The following NTM variants were observed in gnomAD, a reference collection of about 807,000 sequenced individuals.
NTM encodes the protein IgLON family member 2.
A neutral mutation model predicts 42.1 loss-of-function variants in NTM; 13 were observed. That is an observed-to-expected ratio of 0.31 (90% CI 0.20 to 0.49). The LOEUF is 0.49. Among genes scored for constraint, NTM ranks in the 20% least tolerant of loss-of-function variants. The probability of loss-of-function intolerance (pLI) is 0.99; values close to 1 mark genes in which losing one functional copy is unlikely to be tolerated. For synonymous variants in NTM, 187 were observed against 179.2 expected, an observed-to-expected ratio of 1.04 and a Z score of -0.35; for missense variants, 373 against 452.8, an observed-to-expected ratio of 0.82 and a Z score of 1.60.
chr11:132,186,806 G>T (rs1481154435), intron 3 of NTM, among the ~76,000 whole-genome samples: 1 of 152,212 alleles, frequency 6.6e-6, no homozygotes, highest in Non-Finnish European at 1.5e-5. Context: ...ATGCACCAGG[G>T]ATAGGACTCT....
intron 1 of NTM, among the ~76,000 whole-genome samples, chr11:131,898,304 A>G (rs960753014): frequency 5.3e-5 from 8 of 152,240 alleles, no homozygotes; most frequent in Non-Finnish European, 7.3e-5. Context: ...GTGGGGAAGT[A>G]TGACCAACTG....
At chr11:132,211,267 A>G (rs1372778703) in intron 3 of NTM, among the ~76,000 whole-genome samples, 1 of 152,164 alleles carries the variant, frequency 6.6e-6, no homozygotes, top group Non-Finnish European at 1.5e-5. Flanking sequence ...TTAACAAGGA[A>G]TGGCGGCACA....
At chr11:131,876,086 AT>A (rs951433790) in intron 1 of NTM, among the ~76,000 whole-genome samples, 30 of 151,864 alleles carry the variant, frequency 2.0e-4, no homozygotes, top group African/African-American at 6.5e-4. Flanking sequence ...GATAAAGTAG[AT>A]TTTTTTTTCT....
chr11:131,581,063 T>G (rs1565662721), intron 1 of NTM, among the ~76,000 whole-genome samples: 1 of 152,226 alleles, frequency 6.6e-6, no homozygotes, highest in Non-Finnish European at 1.5e-5. Flanking sequence ...GTATGGGGTT[T>G]GCCACACTCA....
intron 1 of NTM, among the ~76,000 whole-genome samples, chr11:131,683,676 A>G (rs1380214664): frequency 6.6e-6 from 1 of 152,176 alleles, no homozygotes; most frequent in Non-Finnish European, 1.5e-5. Context: ...ATTGCTCTGG[A>G]GGGGGCTGGC....
Position 131,795,898 on chromosome 11 carries a change from G to A in NTM, c.83-115666G>A, listed in dbSNP as rs896107367. The A allele has an allele frequency of 6.1e-6, 6 of 980,104 alleles. No homozygotes were observed. In the African/African-American group the frequency reaches 1.1e-4, roughly 17 times the overall value. The allele number at this position is 980,104 out of a possible 1,614,324, so 60.7% of individuals were successfully genotyped here. On this transcript the variant is annotated intron_variant, in intron 1 of 8. Coordinates refer to ENST00000683400, the MANE Select transcript of NTM (RefSeq NM_001352005.2). Reference sequence around the variant, plus strand: ...GACCGCCTGCCTTGTCTAGTGTGGAGGGATCACTTTATTGGAGTAAGCGAT... The same window carrying A: ...GACCGCCTGCCTTGTCTAGTGTGGAAGGATCACTTTATTGGAGTAAGCGAT...
intron 1 of NTM, among the ~76,000 whole-genome samples, chr11:131,759,026 A>C (rs1372598013): frequency 1.3e-5 from 2 of 152,206 alleles, no homozygotes; most frequent in Non-Finnish European, 2.9e-5. Context: ...CATCTTTGAG[A>C]AGTTTGGTCT....
intron 1 of NTM, among the ~76,000 whole-genome samples, chr11:131,466,388 T>C (rs1951900172): frequency 1.3e-5 from 2 of 152,192 alleles, no homozygotes; most frequent in South Asian, 4.1e-4. Context: ...ATTATCTCCA[T>C]CTTAGAGCTA....
Position 132,287,561 on chromosome 11 carries a change from G to C in NTM, c.527-20128G>C, listed in dbSNP as rs114397367. 3.9e-3 allele frequency among the ~76,000 whole-genome samples: 595 copies of C among 152,234 alleles called. 7 individuals carry two copies. Among genetic ancestry groups the C allele is most frequent in the African/African-American group, 0.013 (556 of 41,540 alleles). ...TTTATATTTAAAAAATGCTTAAAAG[G>C]CTGGAGAAAAGGATCAGAGAGACTG... On this transcript the variant is annotated intron_variant, in intron 4 of 8. Transcript: ENST00000683400.
At chr11:131,537,659 G>C (rs918761077) in intron 1 of NTM, 1 of 152,284 alleles carries the variant, frequency 6.6e-6, no homozygotes, top group African/African-American at 2.4e-5. Context: ...TTGAAAACCA[G>C]CTACCTGTCC....
At chr11:131,561,500 G>T (rs1221151912) in intron 1 of NTM, among the ~76,000 whole-genome samples, 1 of 152,116 alleles carries the variant, frequency 6.6e-6, no homozygotes, top group Non-Finnish European at 1.5e-5. Context: ...AAGGATAGTG[G>T]GTGGACTCTT....
chr11:131,755,160 A>G (rs2083157336), intron 1 of NTM, among the ~76,000 whole-genome samples: 1 of 152,226 alleles, frequency 6.6e-6, no homozygotes, highest in Non-Finnish European at 1.5e-5. Context: ...GAGCCACATC[A>G]CTAAATGGAT....
At chr11:131,388,657 T>C (rs1176949103) in intron 1 of NTM, among the ~76,000 whole-genome samples, 3 of 152,058 alleles carry the variant, frequency 2.0e-5, no homozygotes, top group Non-Finnish European at 4.4e-5. Context: ...TTCTGGCTCA[T>C]TGTATTATTT....
At chr11:132,069,704 C>CCGGGTTAACACGTCACACTGACCATCA (rs2057163943) in intron 2 of NTM, among the ~76,000 whole-genome samples, 1 of 149,570 alleles carries the variant, frequency 6.7e-6, no homozygotes, top group African/African-American at 2.5e-5. Context: ...CGTCACACAG[C>CCGGGTTAACACGTCACACTGACCATCA]CAGGTTAACA....
intron 7 of NTM, 168 bp downstream of exon 7, chr11:132,314,871 C>G (rs2095384216): frequency 2.2e-6 from 3 of 1,363,614 alleles, no homozygotes; most frequent in Non-Finnish European, 2.8e-6. Context: ...GAGAGAGGGA[C>G]AGAGAGACAG....
At chr11:131,702,163 C>T (rs1468991181) in intron 1 of NTM, among the ~76,000 whole-genome samples, 1 of 152,162 alleles carries the variant, frequency 6.6e-6, no homozygotes, top group African/African-American at 2.4e-5. Context: ...GAGTTCCTGA[C>T]CCACATCTTC....
chr11:131,794,876 T>C, intron 1 of NTM: 1 of 985,324 alleles, frequency 1.0e-6, no homozygotes, highest in Non-Finnish European at 1.2e-6. Context: ...CCACAGAGAA[T>C]ATATGATGGC....
At chr11:131,643,387 C>T (rs754204975) in intron 1 of NTM, among the ~76,000 whole-genome samples, 13 of 152,166 alleles carry the variant, frequency 8.5e-5, no homozygotes, top group Non-Finnish European at 1.5e-4. Flanking sequence ...CCCGGGTGTG[C>T]GCGGAGCGGC....
intron 2 of NTM, among the ~76,000 whole-genome samples, chr11:132,054,874 G>A (rs750768385): frequency 6.6e-5 from 10 of 152,186 alleles, no homozygotes; most frequent in South Asian, 4.1e-4. Context: ...TGAGATGGAG[G>A]ACATGGAAAA....
Sources: allele counts gnomAD v4.1 joint callset (sites outside exome capture counted in the v4.1 genomes callset), GRCh38; gene constraint gnomAD v4.1.1; transcripts MANE v1.5; gene names NCBI Gene and HGNC (gene_info 2026-07-23, HGNC 2026-07-21).